SSBP4: variants seen among roughly 807,000 people sequenced by gnomAD.
SSBP4 encodes single stranded DNA binding protein 4, also known as single-stranded DNA-binding protein 4.
A neutral mutation model predicts 64.6 loss-of-function variants in SSBP4; 33 were observed. The ratio of observed to expected loss-of-function variants is 0.51; its 90% CI spans 0.39 to 0.68. The LOEUF (loss-of-function observed/expected upper bound fraction) is 0.68. Ranked by LOEUF, SSBP4 falls within the 30% of genes least tolerant of loss-of-function variation. SSBP4 has a pLI of 0.00. For synonymous variants in SSBP4, 243 were observed against 224.0 expected, an observed-to-expected ratio of 1.08 and a Z score of -0.76; for missense variants, 583 against 566.8, an observed-to-expected ratio of 1.03 and a Z score of -0.29.
chr19:18,424,306 T>A (rs1304928481), intron 1 of SSBP4, among the ~76,000 whole-genome samples: 1 of 152,146 alleles, frequency 6.6e-6, no homozygotes, highest in Non-Finnish European at 1.5e-5. Context: ...TTCACTGGGG[T>A]GACTGGGGCC....
chr19:18,434,469 T>A lies in SSBP4; in HGVS notation c.*223T>A, dbSNP rs1973853390. 1 of 926,640 alleles carries A rather than the reference T, an allele frequency of 1.1e-6. No homozygotes were observed. Among genetic ancestry groups the A allele is most frequent in the Non-Finnish European group, 1.5e-6 (1 of 672,526 alleles). The allele number at this position is 926,640 out of a possible 1,614,324, so 57.4% of individuals were successfully genotyped here. On this transcript the variant is annotated 3_prime_UTR_variant, in exon 18 of 18. Coordinates refer to ENST00000270061, the MANE Select transcript of SSBP4 (RefSeq NM_032627.5). ...GACCCTTCCTGCCATTTGTATTTTG[T>A]CCCAGAGAGAAAGGCTCTTTGGGGG... is the stretch of plus-strand genomic sequence containing the variant.
At chr19:18,410,836 G>A in the SSBP4 span, among the ~76,000 whole-genome samples, 3 of 152,094 alleles carry the variant, frequency 2.0e-5, no homozygotes, top group Admixed American at 2.0e-4. Flanking sequence ...GCGAAGGCAG[G>A]CAACTCCGTA....
At chr19:18,417,756 C>A (rs997364034), upstream of SSBP4, among the ~76,000 whole-genome samples, 1 of 152,172 alleles carries the variant, frequency 6.6e-6, no homozygotes, top group Non-Finnish European at 1.5e-5. This position sits in a 1 kb window ranked among gnomAD's most constrained non-coding sequence, Gnocchi z 5.4. Flanking sequence ...GGCGTCCCCC[C>A]TCCCGCGCCG....
intron 5 of SSBP4, among the ~76,000 whole-genome samples, 195 bp downstream of exon 5, chr19:18,431,125 G>GGT (rs1973333565): frequency 6.6e-6 from 1 of 152,066 alleles, no homozygotes; most frequent in African/African-American, 2.4e-5. Context: ...GTGGAGGGTG[G>GGT]GTGTCTGTGC....
the SSBP4 span, among the ~76,000 whole-genome samples, chr19:18,410,567 T>G: frequency 6.6e-6 from 1 of 152,016 alleles, no homozygotes; most frequent in Non-Finnish European, 1.5e-5. Context: ...TGGGTGATGT[T>G]TTCTATATTT....
rs569266405 is a variant in SSBP4 at position 18,434,396 on chromosome 19, C to G, written c.*150C>G. ...GGAGGCCCCACACGAAAGACTCTTA[C>G]CATTTTATTAAAAACGCAAGGACCT... is the stretch of plus-strand genomic sequence containing the variant. On this transcript the variant is annotated 3_prime_UTR_variant, in exon 18 of 18. Coordinates refer to ENST00000270061, the MANE Select transcript of SSBP4 (RefSeq NM_032627.5). 2.2e-6 allele frequency: 3 copies of G among 1,367,252 alleles called. No homozygotes were observed. The highest frequency in any genetic ancestry group is 3.0e-5 in the Admixed American group (1 of 33,326). The allele number at this position is 1,367,252 out of a possible 1,614,324, so 84.7% of individuals were successfully genotyped here. A position where few individuals can be genotyped will look rare whatever the true frequency, so the allele number is the denominator to read the frequency against.
the SSBP4 span, among the ~76,000 whole-genome samples, chr19:18,405,307 G>A: frequency 6.1e-3 from 921 of 152,120 alleles, 7 homozygotes; most frequent in Non-Finnish European, 9.8e-3. Flanking sequence ...CCTCCTTCCT[G>A]GTTTTCTGCC....
Position 18,427,990 on chromosome 19 carries a change from C to T in SSBP4, c.279+8C>T, listed in dbSNP as rs1263925998. The T allele has an allele frequency of 3.3e-6, 5 of 1,505,814 alleles. No homozygotes were observed. The highest frequency in any genetic ancestry group is 4.5e-6 in the Non-Finnish European group (5 of 1,116,060). The allele number at this position is 1,505,814 out of a possible 1,614,324, so 93.3% of individuals were successfully genotyped here. ...AAGGCCTTCCAGGACTATGTGAGTC[C>T]TGGCCCCAGGGACTCAGGGGCTCCA... On this transcript the variant is annotated splice_region_variant and intron_variant, in intron 4 of 17. Transcript: ENST00000270061. The surrounding 1 kb of genome is among the most constrained non-coding windows in gnomAD (Gnocchi z 4.4).
chr19:18,422,630 C>T (rs750142315), intron 1 of SSBP4, among the ~76,000 whole-genome samples: 6 of 152,336 alleles, frequency 3.9e-5, no homozygotes, highest in Middle Eastern at 3.4e-3. Context: ...AGCCCCAGGC[C>T]TCAGTTTCCT....
chr19:18,429,616 G>T (rs1480907277), intron 4 of SSBP4, among the ~76,000 whole-genome samples: 1 of 151,930 alleles, frequency 6.6e-6, no homozygotes, highest in African/African-American at 2.4e-5. Flanking sequence ...GACCGGAGGG[G>T]CCGCCTGGGA....
chr19:18,417,081 CCCTCCG>C (rs1415014474), upstream of SSBP4, among the ~76,000 whole-genome samples: 7 of 151,812 alleles, frequency 4.6e-5, no homozygotes, highest in African/African-American at 1.7e-4. The surrounding 1 kb of genome is among the most constrained non-coding windows in gnomAD (Gnocchi z 5.4). Context: ...TTCCCTCCCT[CCCTCCG>C]CCTCCGCCCT....
chr19:18,433,851 G>A (rs1187003933), intron 17 of SSBP4, 34 bp downstream of exon 17: 2 of 1,264,106 alleles, frequency 1.6e-6, no homozygotes, highest in Admixed American at 5.2e-5. Flanking sequence ...CCCCGCGGCG[G>A]CGTCGGGCCG....
chr19:18,432,300 CCT>C, intron 10 of SSBP4, 86 bp downstream of exon 10: 1 of 1,518,056 alleles, frequency 6.6e-7, no homozygotes, highest in Non-Finnish European at 9.0e-7. Context: ...GGTCCTGAAT[CCT>C]CAGGACAGCC....
At chr19:18,418,878 T>G, upstream of SSBP4, 1 of 800,094 alleles carries the variant, frequency 1.2e-6, no homozygotes, top group Non-Finnish European at 1.5e-6. The surrounding 1 kb of genome is among the most constrained non-coding windows in gnomAD (Gnocchi z 6.7). Context: ...TGGCCTGTGT[T>G]TAGTTGTTCC....
Position 18,426,891 on chromosome 19 carries a change from G to T in SSBP4, c.60-460G>T, listed in dbSNP as rs1309884841. 6.6e-6 allele frequency among the ~76,000 whole-genome samples: 1 copy of T among 152,148 alleles called. No individual in the cohort carries two copies. The highest frequency in any genetic ancestry group is 1.5e-5 in the Non-Finnish European group (1 of 68,002). On this transcript the variant is annotated intron_variant, in intron 1 of 17. Coordinates refer to ENST00000270061, the MANE Select transcript of SSBP4 (RefSeq NM_032627.5). The surrounding 1 kb of genome is among the most constrained non-coding windows in gnomAD (Gnocchi z 4.5). ...GCATCTCTTCCCCAAGGAAGAGATG[G>T]GGTCCAGGGACTGCAGGGGATGTGG...
the SSBP4 span, among the ~76,000 whole-genome samples, chr19:18,406,107 G>A: frequency 3.3e-5 from 5 of 151,870 alleles, no homozygotes; most frequent in East Asian, 9.7e-4. Context: ...CTCCCAAAGT[G>A]TCGGGATTAC....
the SSBP4 span, among the ~76,000 whole-genome samples, chr19:18,410,929 T>C: frequency 6.6e-6 from 1 of 152,200 alleles, no homozygotes; most frequent in Non-Finnish European, 1.5e-5. Context: ...GTTGAGCACC[T>C]ACTGTATGCC....
chr19:18,424,474 G>T (rs1972701494), intron 1 of SSBP4, among the ~76,000 whole-genome samples: 1 of 152,014 alleles, frequency 6.6e-6, no homozygotes, highest in Non-Finnish European at 1.5e-5. Context: ...AGCCCCGAGA[G>T]GTGACACTGG....
At chr19:18,429,464 AGG>A (rs1973157270) in intron 4 of SSBP4, among the ~76,000 whole-genome samples, 1 of 43,144 alleles carries the variant, frequency 2.3e-5, no homozygotes, top group African/African-American at 8.8e-5. Context: ...TGCGGGTCGC[AGG>A]GGGCGGGGGG....
Sources: gnomAD v4.1 joint callset for allele counts (sites outside exome capture counted in the v4.1 genomes callset) on GRCh38, gnomAD v4.1.1 for gene constraint, Gnocchi (gnomAD v3.1) non-coding constraint, MANE v1.5 for transcripts, NCBI Gene and HGNC (gene_info 2026-07-23, HGNC 2026-07-21) for gene names.